Variants in PTCHD4 observed in about 807,000 individuals in gnomAD.
PTCHD4 encodes the protein patched domain containing 4.
In PTCHD4, 33 loss-of-function variants were observed where a neutral mutation model predicts 58.1. The observed-to-expected ratio is 0.57, with a 90% CI of 0.43 to 0.76. The LOEUF is 0.76. Ranked by LOEUF, PTCHD4 falls within the 30% of genes least tolerant of loss-of-function variation. The pLI, the probability that PTCHD4 is intolerant of heterozygous loss-of-function variation, is 0.00. For missense variants in PTCHD4, 1,058 were observed against 1,027.1 expected (o/e 1.03, Z -0.41); for synonymous variants, 478 against 409.6 (o/e 1.17, Z -2.02).
At chr6:47,880,430 G>A (rs901131926) in intron 4 of PTCHD4, among the ~76,000 whole-genome samples, 5 of 152,052 alleles carry the variant, frequency 3.3e-5, no homozygotes, top group Non-Finnish European at 7.3e-5. Context: ...CTTAAAAATG[G>A]CTCTAAACTG....
chr6:48,035,436 G>GAAATTATGA (rs1269583535), intron 3 of PTCHD4, among the ~76,000 whole-genome samples: 1 of 152,088 alleles, frequency 6.6e-6, no homozygotes, highest in Admixed American at 6.6e-5. Context: ...TTATGATTCA[G>GAAATTATGA]AAATTATGAA....
intron 4 of PTCHD4, among the ~76,000 whole-genome samples, chr6:48,001,778 G>C (rs1354160486): frequency 4.6e-5 from 7 of 152,292 alleles, no homozygotes; most frequent in Admixed American, 2.6e-4. Flanking sequence ...TTAAACTAAA[G>C]AGCTTCTGCA....
chr6:48,102,084 C>T (rs79435293), intron 1 of PTCHD4, among the ~76,000 whole-genome samples: 1,631 of 152,306 alleles, frequency 0.011, 29 homozygotes, highest in African/African-American at 0.037. Context: ...CCAATACTGT[C>T]CTTCTAACTG....
At chr6:47,925,052 A>G (rs554828203) in intron 4 of PTCHD4, among the ~76,000 whole-genome samples, 16 of 149,768 alleles carry the variant, frequency 1.1e-4, no homozygotes, top group African/African-American at 3.4e-4. Context: ...TAGCGCTTAC[A>G]ACCAGACATT....
intron 4 of PTCHD4, among the ~76,000 whole-genome samples, chr6:47,959,088 G>A (rs181939817): frequency 6.6e-6 from 1 of 152,206 alleles, no homozygotes. Flanking sequence ...AAAGAAGCAG[G>A]AAAATATGAT....
intron 4 of PTCHD4, among the ~76,000 whole-genome samples, chr6:47,938,210 G>A (rs939871342): frequency 6.6e-6 from 1 of 152,138 alleles, no homozygotes; most frequent in Non-Finnish European, 1.5e-5. Flanking sequence ...ACTGTAAGAT[G>A]TTGCTAATAG....
At chr6:48,090,994 T>C (rs548137201) in intron 1 of PTCHD4, among the ~76,000 whole-genome samples, 2 of 152,312 alleles carry the variant, frequency 1.3e-5, no homozygotes, top group East Asian at 3.9e-4. Context: ...TTAAATTTTA[T>C]TTGAAAATTT....
chr6:47,946,501 A>G (rs1766424106), intron 4 of PTCHD4, among the ~76,000 whole-genome samples: 1 of 152,080 alleles, frequency 6.6e-6, no homozygotes, highest in Admixed American at 6.5e-5. Context: ...ATATCAATAT[A>G]ATTTTACCTG....
At chr6:48,080,384 G>A (rs906375460) in intron 1 of PTCHD4, among the ~76,000 whole-genome samples, 2 of 152,286 alleles carry the variant, frequency 1.3e-5, no homozygotes, top group South Asian at 4.1e-4. Context: ...GTTGACATAG[G>A]CAAAATCAAT....
intron 4 of PTCHD4, among the ~76,000 whole-genome samples, chr6:47,943,839 G>A (rs1425209089): frequency 6.6e-6 from 1 of 151,900 alleles, no homozygotes; most frequent in Non-Finnish European, 1.5e-5. Context: ...GTTCCATCTG[G>A]CTACAAAGGC....
In PTCHD4 at chr6:47,879,023, G is replaced by A; in HGVS notation, c.1812C>T (p.Arg604=). 6.2e-7 allele frequency: 1 copy of A among 1,613,438 alleles called. No homozygotes were observed. Among genetic ancestry groups the A allele is most frequent in the South Asian group, 1.1e-5 (1 of 91,072 alleles). The change falls in exon 5 of 5, where the codon CGC becomes CGT. Residue 604 remains arginine (R), a synonymous_variant. Coordinates refer to ENST00000339488, the MANE Select transcript of PTCHD4 (RefSeq NM_001384253.1). ...AGDESNIIAS[R]LYLVARTSRD... ...TGCTAGTCCTGGCCACCAGATACAA[G>A]CGAGAAGCAATGATATTGCTTTCAT...
chr6:47,885,915 T>A (rs1395516256), intron 4 of PTCHD4, among the ~76,000 whole-genome samples: 1 of 151,942 alleles, frequency 6.6e-6, no homozygotes, highest in Non-Finnish European at 1.5e-5. Flanking sequence ...GCCTCCCGGG[T>A]TCAAGTAATT....
chr6:48,033,661 G>A (rs1763527940), intron 3 of PTCHD4, among the ~76,000 whole-genome samples: 1 of 151,958 alleles, frequency 6.6e-6, no homozygotes, highest in Admixed American at 6.6e-5. Context: ...TACCAGTCAT[G>A]ACAATAGAAA....
chr6:47,883,006 A>T (rs1309525072), intron 4 of PTCHD4, among the ~76,000 whole-genome samples: 1 of 151,728 alleles, frequency 6.6e-6, no homozygotes, highest in Non-Finnish European at 1.5e-5. Context: ...TTGATTCTAG[A>T]TGGGTCCAAA....
At chr6:47,886,570 A>G (rs1324092619) in intron 4 of PTCHD4, among the ~76,000 whole-genome samples, 3 of 152,200 alleles carry the variant, frequency 2.0e-5, no homozygotes, top group Non-Finnish European at 4.4e-5. Context: ...GGTTAGCTAC[A>G]CTTTCAATAA....
Position 48,090,428 on chromosome 6 carries a change from A to G in PTCHD4, c.-969-20502T>C, listed in dbSNP as rs143813399. Among the ~76,000 whole-genome samples the G allele has an allele frequency of 1.5e-3, 234 of 152,268 alleles. 1 individual carries two copies. The highest frequency in any genetic ancestry group is 5.5e-3 in the African/African-American group (228 of 41,550). ...CTTAAGTAATGGATAGTTAACTTAT[A>G]TTGTTTCTAATGCTCACAACAACAC... On this transcript the variant is annotated intron_variant, in intron 1 of 4. Transcript: ENST00000339488.
intron 1 of PTCHD4, among the ~76,000 whole-genome samples, chr6:48,077,344 A>G (rs950852472): frequency 1.1e-4 from 16 of 152,324 alleles, no homozygotes; most frequent in African/African-American, 3.4e-4. Flanking sequence ...CTTACATGGC[A>G]TCTTCTTCTA....
intron 3 of PTCHD4, among the ~76,000 whole-genome samples, chr6:48,014,753 A>G (rs928892996): frequency 6.6e-6 from 1 of 152,164 alleles, no homozygotes; most frequent in African/African-American, 2.4e-5. Flanking sequence ...TAAAGATCTT[A>G]CTTATCACAT....
chr6:48,083,285 A>C (rs1204404294), intron 1 of PTCHD4, among the ~76,000 whole-genome samples: 3 of 151,960 alleles, frequency 2.0e-5, no homozygotes, highest in Admixed American at 6.6e-5. Flanking sequence ...ATAACAAGAG[A>C]AAAACAAATT....
Sources: allele counts gnomAD v4.1 joint callset (sites outside exome capture counted in the v4.1 genomes callset), GRCh38; gene constraint gnomAD v4.1.1; transcripts MANE v1.5; gene names NCBI Gene and HGNC (gene_info 2026-07-23, HGNC 2026-07-21).